The following KCNJ3 variants were observed in gnomAD, a reference collection of about 807,000 sequenced individuals.
KCNJ3 encodes the protein potassium inwardly rectifying channel subfamily J member 3.
In KCNJ3, 4 loss-of-function variants were observed where a neutral mutation model predicts 39.2. The observed-to-expected ratio is 0.10, with a 90% CI of 0.05 to 0.23. The LOEUF (loss-of-function observed/expected upper bound fraction) is 0.23, where lower values mean the gene tolerates loss of function less well. Among genes scored for constraint, KCNJ3 ranks in the 10% least tolerant of loss-of-function variants. The probability of loss-of-function intolerance (pLI) is 1.00; values close to 1 mark genes in which losing one functional copy is unlikely to be tolerated. For missense variants in KCNJ3, 276 were observed against 634.9 expected (o/e 0.43, Z 6.08); for synonymous variants, 230 against 237.4 (o/e 0.97, Z 0.29).
chr2:154,800,775 A>C (rs949638991), intron 2 of KCNJ3, among the ~76,000 whole-genome samples: 6 of 152,210 alleles, frequency 3.9e-5, no homozygotes, highest in African/African-American at 1.2e-4. Flanking sequence ...CATTTAAACA[A>C]TATTTGTCAC....
At chr2:154,706,093 A>T (rs942022343) in intron 1 of KCNJ3, among the ~76,000 whole-genome samples, 2 of 152,148 alleles carry the variant, frequency 1.3e-5, no homozygotes, top group African/African-American at 2.4e-5. Flanking sequence ...CAAACTTAGT[A>T]ATCAACTTCT....
intron 2 of KCNJ3, among the ~76,000 whole-genome samples, chr2:154,792,997 A>T (rs1370021532): frequency 6.6e-6 from 1 of 152,138 alleles, no homozygotes; most frequent in African/African-American, 2.4e-5. Flanking sequence ...TGTACTAATT[A>T]GCACATTGGA....
intron 2 of KCNJ3, among the ~76,000 whole-genome samples, chr2:154,825,757 T>G (rs1353049514): frequency 6.6e-6 from 1 of 151,646 alleles, no homozygotes; most frequent in African/African-American, 2.4e-5. Context: ...TTTTTAACTT[T>G]TGTAGAGAAT....
intron 2 of KCNJ3, among the ~76,000 whole-genome samples, chr2:154,847,193 T>C (rs1372927098): frequency 1.3e-5 from 2 of 152,178 alleles, no homozygotes; most frequent in African/African-American, 4.8e-5. Flanking sequence ...CTTAGTATTA[T>C]TGAACTGTAA....
At chr2:154,777,132 C>G (rs1686351623) in intron 2 of KCNJ3, among the ~76,000 whole-genome samples, 1 of 152,120 alleles carries the variant, frequency 6.6e-6, no homozygotes, top group East Asian at 1.9e-4. Context: ...GCAAATCCAG[C>G]CTGCAAATAT....
At chr2:154,842,716 A>ATCTT (rs1687595782) in intron 2 of KCNJ3, among the ~76,000 whole-genome samples, 1 of 151,716 alleles carries the variant, frequency 6.6e-6, no homozygotes, top group Non-Finnish European at 1.5e-5. Context: ...GTCTGTTTTG[A>ATCTT]TCTTTGTTGG....
intron 2 of KCNJ3, among the ~76,000 whole-genome samples, chr2:154,814,217 T>G (rs1687045113): frequency 1.3e-5 from 2 of 152,212 alleles, no homozygotes; most frequent in Admixed American, 6.5e-5. Flanking sequence ...TGACATAAGG[T>G]GACAGCTCTA....
rs147708090 is a variant in KCNJ3, at chr2:154,804,219, A to G, written c.920-50508A>G. ...TGTAAAATGGCACAACCTGCGATACATAGGACATCCCCGATGAATGTTGGT... is the reference window on the plus strand; with the variant it reads ...TGTAAAATGGCACAACCTGCGATACGTAGGACATCCCCGATGAATGTTGGT... On this transcript the variant is annotated intron_variant, in intron 2 of 2. Coordinates refer to ENST00000295101, the MANE Select transcript of KCNJ3 (RefSeq NM_002239.4). 2.5e-3 allele frequency among the ~76,000 whole-genome samples: 377 copies of G among 152,270 alleles called. 3 individuals carry two copies. Among genetic ancestry groups the G allele is most frequent in the African/African-American group, 7.5e-3 (310 of 41,600 alleles).
chr2:154,808,612 A>G (rs1686957924), intron 2 of KCNJ3, among the ~76,000 whole-genome samples: 2 of 152,164 alleles, frequency 1.3e-5, no homozygotes, highest in South Asian at 2.1e-4. Context: ...AGTACTTACC[A>G]GGCTGGCTTG....
chr2:154,842,367 G>T (rs1687590524), intron 2 of KCNJ3, among the ~76,000 whole-genome samples: 1 of 152,130 alleles, frequency 6.6e-6, no homozygotes, highest in Non-Finnish European at 1.5e-5. Flanking sequence ...CAATTATGTG[G>T]TCAATTTTAG....
Position 154,854,752 on chromosome 2 carries a change from A to G in KCNJ3, c.945A>G (p.Ser315=). 1 of 1,613,160 alleles carries G rather than the reference A, an allele frequency of 6.2e-7. No individual in the cohort carries two copies. Among genetic ancestry groups the G allele is most frequent in the Non-Finnish European group, 8.5e-7 (1 of 1,179,464 alleles). Residue 315 remains serine, a synonymous_variant, in exon 3 of 3, where the codon TCA becomes TCG. Coordinates refer to ENST00000295101, the MANE Select transcript of KCNJ3 (RefSeq NM_002239.4). ...TTGMTCQART[S]YTEDEVLWGH... is the part of the protein sequence containing the mutation. ...GGATGACTTGTCAAGCTCGAACATCATATACTGAAGATGAAGTTCTTTGGG... is the reference window on the plus strand; with the variant it reads ...GGATGACTTGTCAAGCTCGAACATCGTATACTGAAGATGAAGTTCTTTGGG...
chr2:154,761,876 T>C (rs985045700), intron 2 of KCNJ3, among the ~76,000 whole-genome samples: 2 of 152,200 alleles, frequency 1.3e-5, no homozygotes, highest in African/African-American at 4.8e-5. Flanking sequence ...TGTGAATATA[T>C]TACCTTACAT....
intron 2 of KCNJ3, among the ~76,000 whole-genome samples, chr2:154,802,500 C>T (rs1051010276): frequency 1.3e-5 from 2 of 152,040 alleles, no homozygotes; most frequent in Non-Finnish European, 2.9e-5. Context: ...CGGAGAAAGA[C>T]TAAAGGAAAT....
At chr2:154,760,735 C>CTTTTTTTTTTT (rs887796000) in intron 2 of KCNJ3, among the ~76,000 whole-genome samples, 7 of 127,752 alleles carry the variant, frequency 5.5e-5, no homozygotes, top group East Asian at 2.3e-4. Context: ...TCTTTTTTTT[C>CTTTTTTTTTTT]TTTTTTTTTT....
At chr2:154,816,083 G>A (rs1027679836) in intron 2 of KCNJ3, among the ~76,000 whole-genome samples, 3 of 152,012 alleles carry the variant, frequency 2.0e-5, no homozygotes, top group East Asian at 1.9e-4. Context: ...GCTCTGCCTC[G>A]CATGTAGTAG....
chr2:154,796,142 C>T (rs1049317811), intron 2 of KCNJ3, among the ~76,000 whole-genome samples: 3 of 151,974 alleles, frequency 2.0e-5, no homozygotes, highest in East Asian at 1.9e-4. Context: ...TGCTAAATTC[C>T]GTAATCGTGT....
At chr2:154,734,788 A>G (rs1263616760) in intron 2 of KCNJ3, among the ~76,000 whole-genome samples, 3 of 152,010 alleles carry the variant, frequency 2.0e-5, no homozygotes, top group Non-Finnish European at 4.4e-5. Context: ...TTGATTTTAT[A>G]GAGTTTTGAA....
chr2:154,807,457 G>A (rs1686930920), intron 2 of KCNJ3, among the ~76,000 whole-genome samples: 2 of 152,166 alleles, frequency 1.3e-5, no homozygotes, highest in African/African-American at 4.8e-5. Context: ...TCCTGGCTAG[G>A]TTGTAAACCT....
At chr2:154,830,262 A>G (rs894396649) in intron 2 of KCNJ3, among the ~76,000 whole-genome samples, 9 of 152,140 alleles carry the variant, frequency 5.9e-5, no homozygotes, top group Admixed American at 2.0e-4. Context: ...AAGGTTATTC[A>G]CTTACAAAAG....
Sources: gnomAD v4.1 joint callset for allele counts (sites outside exome capture counted in the v4.1 genomes callset) on GRCh38, gnomAD v4.1.1 for gene constraint, MANE v1.5 for transcripts, NCBI Gene and HGNC (gene_info 2026-07-23, HGNC 2026-07-21) for gene names.